PCDHB16: variants seen among roughly 807,000 people sequenced by gnomAD.
The protein encoded by PCDHB16 is protocadherin beta 16.
For synonymous variants in PCDHB16, 444 were observed against 436.5 expected (o/e 1.02, Z -0.21); for missense variants, 1,026 against 989.9 (o/e 1.04, Z -0.49).
In PCDHB16 at chr5:141,183,343, G is replaced by T; in HGVS notation, c.784G>T (p.Ala262Ser). Residue 262 changes from alanine to serine, a missense_variant, in exon 1 of 1, where the codon GCC (alanine) becomes TCC (serine). Transcript: ENST00000609684. ...GAACAGTCCTCTTGGCTCCCTGGTTGCCACCGTCTCCGCCAGGGATTTAGA... is the reference window on the plus strand; with the variant it reads ...GAACAGTCCTCTTGGCTCCCTGGTTTCCACCGTCTCCGCCAGGGATTTAGA... ...PENSPLGSLV[A>S]TVSARDLDGG... 1 of 1,614,190 alleles carries T rather than the reference G, an allele frequency of 6.2e-7. No individual in the cohort carries two copies. Among genetic ancestry groups the T allele is most frequent in the Non-Finnish European group, 8.5e-7 (1 of 1,180,036 alleles).
In PCDHB16 at chr5:141,186,033, GA is replaced by G. The variant is rs572504846; in HGVS notation, c.*1151del. On this transcript the variant is annotated 3_prime_UTR_variant, in exon 1 of 1. Coordinates refer to ENST00000609684, the MANE Select transcript of PCDHB16 (RefSeq NM_020957.4). ...CTAACAACTCAATCTCATTAAGTTG[GA>G]AAAAAAACTTATCAAAGAGACATTT... is the stretch of plus-strand genomic sequence containing the variant. 2.1e-3 allele frequency: 2,126 copies of G among 991,936 alleles called. 6 individuals carry two copies. Among genetic ancestry groups the G allele is most frequent in the Admixed American group, 4.6e-3 (75 of 16,186 alleles). The allele number at this position is 991,936 out of a possible 1,614,324, so 61.4% of individuals were successfully genotyped here. A position where few individuals can be genotyped will look rare whatever the true frequency, so the allele number is the denominator to read the frequency against.
At position 141,184,987 on chromosome 5, in the gene PCDHB16, A is replaced by G. The variant is rs1554282499; in HGVS notation, c.*97A>G. On this transcript the variant is annotated 3_prime_UTR_variant, in exon 1 of 1. Coordinates refer to ENST00000609684, the MANE Select transcript of PCDHB16 (RefSeq NM_020957.4). ...CATTTGATAAATTCCTTAACTTCTT[A>G]TGATTGTCTTGTTGATTAAATTGTT... The G allele has an allele frequency of 6.6e-7, 1 of 1,505,702 alleles. No individual in the cohort carries two copies. The highest frequency in any genetic ancestry group is 8.9e-7 in the Non-Finnish European group (1 of 1,128,788). 93.3% of individuals were successfully genotyped at this position (1,505,702 alleles called of 1,614,324 possible).
At position 141,182,736 on chromosome 5, in the gene PCDHB16, G is replaced by A. The variant is rs1554282014; in HGVS notation, c.177G>A (p.Met59Ile). Residue 59 changes from methionine (M) to isoleucine (I), a missense_variant, in exon 1 of 1, where the codon ATG becomes ATA. Physicochemically the swap from Met to Ile is conservative, Grantham distance 10. Coordinates refer to ENST00000609684, the MANE Select transcript of PCDHB16 (RefSeq NM_020957.4). ...GKDLGLGLTEMSTRKARIISQ... is the reference protein window; with the variant it reads ...GKDLGLGLTEISTRKARIISQ... ...ACCTGGGGTTGGGGTTGACAGAGAT[G>A]TCCACCCGCAAGGCCAGGATCATTT... 3 of 1,611,976 alleles carry A rather than the reference G, an allele frequency of 1.9e-6. No homozygotes were observed. Among genetic ancestry groups the A allele is most frequent in the Non-Finnish European group, 2.5e-6 (3 of 1,178,488 alleles).
chr5:141,182,418 T>G lies in PCDHB16; in HGVS notation c.-142T>G. The G allele has an allele frequency of 1.5e-6, 1 of 651,728 alleles. No individual in the cohort carries two copies. Among genetic ancestry groups the G allele is most frequent in the Non-Finnish European group, 2.4e-6 (1 of 410,768 alleles). 40.4% of individuals were successfully genotyped at this position (651,728 alleles called of 1,614,324 possible). The stretch of plus-strand genomic sequence containing the variant: ...CAAAGCCTGGAAGCAGAAGAATAGC[T>G]GAGCCAGAGCGAACGTGAGTGTGAA... On this transcript the variant is annotated 5_prime_UTR_variant, in exon 1 of 1. Coordinates refer to ENST00000609684, the MANE Select transcript of PCDHB16 (RefSeq NM_020957.4).
At position 141,185,418 on chromosome 5, in the gene PCDHB16, T is replaced by A. The variant is rs951564706; in HGVS notation, c.*528T>A. 1.3e-6 allele frequency: 1 copy of A among 766,568 alleles called. No homozygotes were observed. Among genetic ancestry groups the A allele is most frequent in the African/African-American group, 1.9e-5 (1 of 52,546 alleles). 47.5% of individuals were successfully genotyped at this position (766,568 alleles called of 1,614,324 possible). Reference sequence around the variant, plus strand: ...CTTTTCTTTTCTTTCTTTTTTTTTTTTTCCTTTTTGAGACAGGGTCTTACT... The same window carrying A: ...CTTTTCTTTTCTTTCTTTTTTTTTTATTCCTTTTTGAGACAGGGTCTTACT... On this transcript the variant is annotated 3_prime_UTR_variant, in exon 1 of 1. Transcript: ENST00000609684.
At position 141,185,725 on chromosome 5, in the gene PCDHB16, T is replaced by G; in HGVS notation, c.*835T>G. On this transcript the variant is annotated 3_prime_UTR_variant, in exon 1 of 1. Coordinates refer to ENST00000609684, the MANE Select transcript of PCDHB16 (RefSeq NM_020957.4). ...TCCAAAGTTTTATTTATTTATTTTT[T>G]TGAGATGGAGTCTCGTAAAGTTACC... 1 of 998,226 alleles carries G rather than the reference T, an allele frequency of 1.0e-6. No homozygotes were observed. The highest frequency in any genetic ancestry group is 1.7e-5 in the African/African-American group (1 of 57,340). 61.8% of individuals were successfully genotyped at this position (998,226 alleles called of 1,614,324 possible). A position where few individuals can be genotyped will look rare whatever the true frequency, so the allele number is the denominator to read the frequency against.
Position 141,184,292 on chromosome 5 carries a change from G to A in PCDHB16, c.1733G>A (p.Arg578Gln), listed in dbSNP as rs781886261. ...GCGCCCTGCACTGAGCTGGTGCCCC[G>A]GGCGGCCGAGCCGGGCTACCTGGTG... ...GSAPCTELVPRAAEPGYLVTK... is the reference protein window; with the variant it reads ...GSAPCTELVPQAAEPGYLVTK... Residue 578 changes from arginine to glutamine, a missense_variant, in exon 1 of 1, where the codon CGG becomes CAG. Arg to Gln is a conservative substitution (Grantham distance 43). Transcript: ENST00000609684. The A allele has an allele frequency of 1.3e-6, 2 of 1,598,010 alleles. No individual in the cohort carries two copies. Among genetic ancestry groups the A allele is most frequent in the Admixed American group, 3.4e-5 (2 of 59,002 alleles).
At position 141,183,376 on chromosome 5, in the gene PCDHB16, G is replaced by A. The variant is rs781850223; in HGVS notation, c.817G>A (p.Ala273Thr). ...TVSARDLDGG[A>T]NGKISYTLFQ... ...CTCCGCCAGGGATTTAGACGGCGGA[G>A]CCAATGGAAAAATATCATACACACT... The change falls in exon 1 of 1, where the codon GCC becomes ACC. Residue 273 changes from alanine to threonine, a missense_variant. Transcript: ENST00000609684. 5.6e-6 allele frequency: 9 copies of A among 1,614,016 alleles called. No individual in the cohort carries two copies. The highest frequency in any genetic ancestry group is 3.3e-5 in the Admixed American group (2 of 60,004).
In PCDHB16 at chr5:141,185,619, T is replaced by C; in HGVS notation, c.*729T>C. ...GATTTTGCCAAGTTGCCCAGGCTGA[T>C]CTTGAACTCCTGGGCTCAAGCCATC... On this transcript the variant is annotated 3_prime_UTR_variant, in exon 1 of 1. Transcript: ENST00000609684. 1.6e-6 allele frequency: 1 copy of C among 614,062 alleles called. No individual in the cohort carries two copies. The highest frequency in any genetic ancestry group is 2.1e-6 in the Non-Finnish European group (1 of 484,908). 38.0% of individuals were successfully genotyped at this position (614,062 alleles called of 1,614,324 possible). A position where few individuals can be genotyped will look rare whatever the true frequency, so the allele number is the denominator to read the frequency against.
rs782220653 is a variant in PCDHB16 at position 141,182,758 on chromosome 5, A to G, written c.199A>G (p.Ile67Val). Reference sequence around the variant, plus strand: ...GATGTCCACCCGCAAGGCCAGGATCATTTCCCAGGGGAACAAACAGCATTT... The same window carrying G: ...GATGTCCACCCGCAAGGCCAGGATCGTTTCCCAGGGGAACAAACAGCATTT... ...TEMSTRKARI[I>V]SQGNKQHLQL... Residue 67 changes from isoleucine to valine, a missense_variant, in exon 1 of 1, where the codon ATT becomes GTT. By Grantham distance (29) the Ile-to-Val change is conservative. Coordinates refer to ENST00000609684, the MANE Select transcript of PCDHB16 (RefSeq NM_020957.4). The G allele has an allele frequency of 6.2e-7, 1 of 1,613,076 alleles. No individual in the cohort carries two copies. Among genetic ancestry groups the G allele is most frequent in the Non-Finnish European group, 8.5e-7 (1 of 1,179,138 alleles).
chr5:141,185,641 C>T lies in PCDHB16; in HGVS notation c.*751C>T. On this transcript the variant is annotated 3_prime_UTR_variant, in exon 1 of 1. Coordinates refer to ENST00000609684, the MANE Select transcript of PCDHB16 (RefSeq NM_020957.4). ...TGATCTTGAACTCCTGGGCTCAAGCCATCCTCCCTCCTCAGCCTCCCAAAA... is the reference window on the plus strand; with the variant it reads ...TGATCTTGAACTCCTGGGCTCAAGCTATCCTCCCTCCTCAGCCTCCCAAAA... 1 of 771,586 alleles carries T rather than the reference C, an allele frequency of 1.3e-6. No individual in the cohort carries two copies. The highest frequency in any genetic ancestry group is 6.0e-5 in the South Asian group (1 of 16,704). 47.8% of individuals were successfully genotyped at this position (771,586 alleles called of 1,614,324 possible).
chr5:141,182,884 T>C lies in PCDHB16; in HGVS notation c.325T>C (p.Leu109=). The C allele has an allele frequency of 6.2e-7, 1 of 1,614,138 alleles. No individual in the cohort carries two copies. The highest frequency in any genetic ancestry group is 8.5e-7 in the Non-Finnish European group (1 of 1,180,022). Residue 109 remains leucine, a synonymous_variant, in exon 1 of 1, where the codon TTA becomes CTA. Coordinates refer to ENST00000609684, the MANE Select transcript of PCDHB16 (RefSeq NM_020957.4). ...TEPCILHFQV[L]MENPLEIFQA... ...GCCTTGCATACTACATTTCCAAGTG[T>C]TAATGGAAAACCCTTTAGAAATATT...
chr5:141,183,980 G>A lies in PCDHB16; in HGVS notation c.1421G>A (p.Ser474Asn), dbSNP rs200178175. Residue 474 changes from serine to asparagine, a missense_variant, in exon 1 of 1, where the codon AGC (serine) becomes AAC (asparagine). Coordinates refer to ENST00000609684, the MANE Select transcript of PCDHB16 (RefSeq NM_020957.4). ...NSPALHIGSV[S>N]ATDRDSGTNA... Reference sequence around the variant, plus strand: ...CCCGCCCTGCACATCGGCAGCGTCAGCGCCACAGACAGAGACTCGGGCACC... The same window carrying A: ...CCCGCCCTGCACATCGGCAGCGTCAACGCCACAGACAGAGACTCGGGCACC... 2.5e-6 allele frequency: 4 copies of A among 1,611,992 alleles called. No homozygotes were observed. Among genetic ancestry groups the A allele is most frequent in the Non-Finnish European group, 3.4e-6 (4 of 1,179,768 alleles).
At position 141,183,156 on chromosome 5, in the gene PCDHB16, G is replaced by C. The variant is rs150123004; in HGVS notation, c.597G>C (p.Glu199Asp). Residue 199 changes from glutamate to aspartate, a missense_variant, in exon 1 of 1, where the codon GAG becomes GAC. Transcript: ENST00000609684. ...RKYPELVLDK[E>D]LDREEEPQLR... The stretch of plus-strand genomic sequence containing the variant: ...ACCCTGAGCTAGTGTTGGATAAAGA[G>C]CTGGATCGGGAGGAGGAGCCTCAAC... 44 of 1,614,208 alleles carry C rather than the reference G, an allele frequency of 2.7e-5. No individual in the cohort carries two copies. Among genetic ancestry groups the C allele is most frequent in the Middle Eastern group, 1.6e-4 (1 of 6,062 alleles).
At position 141,183,622 on chromosome 5, in the gene PCDHB16, C is replaced by A. The variant is rs572428584; in HGVS notation, c.1063C>A (p.Pro355Thr). Residue 355 changes from proline to threonine, a missense_variant, in exon 1 of 1, where the codon CCC (proline) becomes ACC (threonine). Coordinates refer to ENST00000609684, the MANE Select transcript of PCDHB16 (RefSeq NM_020957.4). ...GGTGACCATGTCTGCACTCACCAGC[C>A]CCATCCCAGAGAACTCGCCTGAGAT... ...PQVTMSALTSPIPENSPEIVV... is the reference protein window; with the variant it reads ...PQVTMSALTSTIPENSPEIVV... 6.2e-7 allele frequency: 1 copy of A among 1,614,136 alleles called. No individual in the cohort carries two copies. The highest frequency in any genetic ancestry group is 2.2e-5 in the East Asian group (1 of 44,872).
At position 141,185,898 on chromosome 5, in the gene PCDHB16, G is replaced by A. The variant is rs1554282593; in HGVS notation, c.*1008G>A. ...TGTAAGACATTCAGTATGTGTAAAT[G>A]TGTTTGTGTTTGTAGACAAAAGGCA... On this transcript the variant is annotated 3_prime_UTR_variant, in exon 1 of 1. Coordinates refer to ENST00000609684, the MANE Select transcript of PCDHB16 (RefSeq NM_020957.4). The A allele has an allele frequency of 2.0e-6, 2 of 983,550 alleles. No individual in the cohort carries two copies. The highest frequency in any genetic ancestry group is 5.2e-4 in the Middle Eastern group (1 of 1,906). 60.9% of individuals were successfully genotyped at this position (983,550 alleles called of 1,614,324 possible).
rs1444676923 is a variant in PCDHB16, at chr5:141,183,939, C to T, written c.1380C>T (p.Val460=). 4.3e-6 allele frequency: 7 copies of T among 1,613,946 alleles called. No individual in the cohort carries two copies. Among genetic ancestry groups the T allele is most frequent in the African/African-American group, 1.3e-5 (1 of 74,990 alleles). The change falls in exon 1 of 1, where the codon GTC becomes GTT. Residue 460 remains valine (V), a synonymous_variant. Transcript: ENST00000609684. ...TFTQTSYTLF[V]RENNSPALHI... The stretch of plus-strand genomic sequence containing the variant: ...CCCAAACCTCCTACACCCTGTTCGT[C>T]CGCGAGAACAACAGCCCCGCCCTGC...
chr5:141,183,682 T>A lies in PCDHB16; in HGVS notation c.1123T>A (p.Ser375Thr), dbSNP rs377277959. The change falls in exon 1 of 1, where the codon TCC (serine) becomes ACC (threonine). Residue 375 changes from serine to threonine, a missense_variant. Ser to Thr is a moderately conservative substitution (Grantham distance 58). Coordinates refer to ENST00000609684, the MANE Select transcript of PCDHB16 (RefSeq NM_020957.4). ...TGTTTTCAGCGTTTCAGATCCTGACTCCGGAAACAATGGGAAGACGATTTC... is the reference window on the plus strand; with the variant it reads ...TGTTTTCAGCGTTTCAGATCCTGACACCGGAAACAATGGGAAGACGATTTC... ...VAVFSVSDPD[S>T]GNNGKTISSI... The A allele has an allele frequency of 4.6e-5, 75 of 1,614,034 alleles. 1 individual carries two copies. In the South Asian group the frequency reaches 7.6e-4, roughly 16 times the overall value.
In PCDHB16 at chr5:141,185,858, A is replaced by C. The variant is rs1554282587; in HGVS notation, c.*968A>C. 1.0e-6 allele frequency: 1 copy of C among 992,464 alleles called. No homozygotes were observed. The highest frequency in any genetic ancestry group is 1.2e-6 in the Non-Finnish European group (1 of 822,984). 61.5% of individuals were successfully genotyped at this position (992,464 alleles called of 1,614,324 possible). On this transcript the variant is annotated 3_prime_UTR_variant, in exon 1 of 1. Coordinates refer to ENST00000609684, the MANE Select transcript of PCDHB16 (RefSeq NM_020957.4). ...TCTTTAACCAGCCTTATCTAAAAAT[A>C]AAAAGAGAAGCCATTGTAAGACATT...
Sources: allele counts gnomAD v4.1 joint callset, GRCh38; gene constraint gnomAD v4.1.1; transcripts MANE v1.5; gene names NCBI Gene and HGNC (gene_info 2026-07-23, HGNC 2026-07-21).